Variants in MEAK7 observed in about 807,000 individuals in gnomAD.
The protein encoded by MEAK7 is MTOR associated protein MEAK7.
A neutral mutation model predicts 40.5 loss-of-function variants in MEAK7; 68 were observed. That is an observed-to-expected ratio of 1.68 (90% CI 1.38 to 2.06). The LOEUF (loss-of-function observed/expected upper bound fraction) is 2.06, where lower values mean the gene tolerates loss of function less well. Among genes scored for constraint, MEAK7 ranks in the 30% most tolerant of loss-of-function variants. The pLI, the probability that MEAK7 is intolerant of heterozygous loss-of-function variation, is 0.00. For synonymous variants in MEAK7, 338 were observed against 231.9 expected, an observed-to-expected ratio of 1.46 and a Z score of -4.16; for missense variants, 918 against 580.5, an observed-to-expected ratio of 1.58 and a Z score of -5.98.
At chr16:84,485,804 C>A (rs1046619075) in intron 5 of MEAK7, among the ~76,000 whole-genome samples, 1 of 152,180 alleles carries the variant, frequency 6.6e-6, no homozygotes, top group African/African-American at 2.4e-5. Flanking sequence ...GCCTCAGCCT[C>A]CCACGTAGCT....
At chr16:84,485,824 G>A (rs1913002277) in intron 5 of MEAK7, among the ~76,000 whole-genome samples, 1 of 152,172 alleles carries the variant, frequency 6.6e-6, no homozygotes, top group Non-Finnish European at 1.5e-5. Flanking sequence ...TGGGATTACA[G>A]GCATGCGCCA....
intron 3 of MEAK7, among the ~76,000 whole-genome samples, chr16:84,490,692 G>T (rs1913519414): frequency 6.7e-6 from 1 of 148,832 alleles, no homozygotes; most frequent in Admixed American, 6.7e-5. Context: ...GTGTGTGTGT[G>T]TGTATTTAAA....
chr16:84,481,711 A>T (rs1912561589), intron 6 of MEAK7, among the ~76,000 whole-genome samples: 1 of 152,150 alleles, frequency 6.6e-6, no homozygotes, highest in African/African-American at 2.4e-5. Flanking sequence ...AGGCGGGTGG[A>T]TCACGAGGTC....
intron 1 of MEAK7, chr16:84,500,035 T>C (rs934072997): frequency 2.0e-5 from 3 of 152,234 alleles, no homozygotes; most frequent in Non-Finnish European, 4.4e-5. Flanking sequence ...AGACCCCGTC[T>C]CTAAAAAAAT....
chr16:84,487,227 G>C (rs1193187059), intron 4 of MEAK7, 168 bp from the exon 5 acceptor site: 4 of 539,446 alleles, frequency 7.4e-6, no homozygotes, highest in Middle Eastern at 4.5e-4. Context: ...AGGCACACTT[G>C]ATTTCAAAGA....
At chr16:84,501,869 G>C (rs1483624405) in intron 1 of MEAK7, among the ~76,000 whole-genome samples, 1 of 152,232 alleles carries the variant, frequency 6.6e-6, no homozygotes, top group East Asian at 1.9e-4. Context: ...AATGGCAATG[G>C]TGTGGTGGCT....
intron 1 of MEAK7, among the ~76,000 whole-genome samples, chr16:84,501,014 G>A (rs1025182095): frequency 1.4e-5 from 2 of 145,358 alleles, no homozygotes; most frequent in Non-Finnish European, 3.0e-5. Context: ...AGAATTGGTT[G>A]AACACGGACA....
intron 6 of MEAK7, 60 bp from the exon 7 acceptor site, chr16:84,480,768 A>G: frequency 6.6e-7 from 1 of 1,515,588 alleles, no homozygotes; most frequent in Non-Finnish European, 8.9e-7. Flanking sequence ...TGTGGACATC[A>G]AATACCACAA....
intron 1 of MEAK7, among the ~76,000 whole-genome samples, chr16:84,501,750 C>G (rs1041044247): frequency 1.3e-5 from 2 of 152,124 alleles, no homozygotes; most frequent in Non-Finnish European, 2.9e-5. Context: ...GCGCTGTCCA[C>G]AGCACTGCCA....
rs762611164 is a variant in MEAK7, at chr16:84,495,780, G to A, written c.287C>T (p.Ser96Phe). ...VSQEQFTASM[S>F]HLLKGNSEEK... ...CTCGGAGTTTCCTTTCAACAGGTGGGACATGGATGCTGTGAACTGCTCCTG... is the reference window on the plus strand; with the variant it reads ...CTCGGAGTTTCCTTTCAACAGGTGGAACATGGATGCTGTGAACTGCTCCTG... The change falls in exon 3 of 8, where the codon TCC becomes TTC. Residue 96 changes from serine to phenylalanine, a missense_variant. Physicochemically the swap from Ser to Phe is radical, Grantham distance 155. Coordinates refer to ENST00000343629, the MANE Select transcript of MEAK7 (RefSeq NM_020947.4). 3 of 1,613,964 alleles carry A rather than the reference G, an allele frequency of 1.9e-6. No homozygotes were observed. Among genetic ancestry groups the A allele is most frequent in the South Asian group, 2.2e-5 (2 of 91,086 alleles).
intron 4 of MEAK7, chr16:84,487,595 C>G (rs769248106): frequency 6.5e-6 from 1 of 154,950 alleles, no homozygotes; most frequent in Non-Finnish European, 1.4e-5. Context: ...CCCAGCCAGT[C>G]AAGGGGCTGG....
chr16:84,497,721 T>C, intron 2 of MEAK7: 1 of 1,397,538 alleles, frequency 7.2e-7, no homozygotes, highest in African/African-American at 1.4e-5. Context: ...ATGGCTATTT[T>C]CACACAGTAA....
chr16:84,484,857 G>A (rs151008450), intron 5 of MEAK7, among the ~76,000 whole-genome samples: 1 of 152,212 alleles, frequency 6.6e-6, no homozygotes, highest in African/African-American at 2.4e-5. Context: ...TACTGCAACA[G>A]AATGAACTCG....
chr16:84,498,245 C>T, intron 1 of MEAK7, 134 bp from the exon 2 acceptor site: 2 of 1,090,004 alleles, frequency 1.8e-6, no homozygotes, highest in Non-Finnish European at 1.3e-6. Context: ...ATCAGAGCTA[C>T]ATAATACTGG....
At chr16:84,489,463 T>C in intron 3 of MEAK7, 41 bp from the exon 4 acceptor site, 2 of 1,573,506 alleles carry the variant, frequency 1.3e-6, no homozygotes, top group Non-Finnish European at 1.7e-6. Flanking sequence ...AGTTCCACCA[T>C]ATCCTGAGAC....
intron 5 of MEAK7, among the ~76,000 whole-genome samples, chr16:84,485,767 T>C (rs919050961): frequency 2.6e-5 from 4 of 152,212 alleles, no homozygotes; most frequent in African/African-American, 7.2e-5. Flanking sequence ...ACTGCAACTC[T>C]GCTTCCGAGG....
intron 5 of MEAK7, among the ~76,000 whole-genome samples, chr16:84,484,332 G>C (rs951358215): frequency 3.3e-5 from 5 of 152,162 alleles, no homozygotes; most frequent in African/African-American, 1.2e-4. Flanking sequence ...CAATACCCAA[G>C]CGTGCGGCCA....
Position 84,503,817 on chromosome 16 carries a change from C to A in MEAK7, c.-26+784G>T, listed in dbSNP as rs145680059. On this transcript the variant is annotated intron_variant, in intron 1 of 7. Transcript: ENST00000343629. ...TGGCCCCCAAGGTTCCCACTAGTATCCTAGGAATGGCTTAGTCACCTCCTG... is the reference window on the plus strand; with the variant it reads ...TGGCCCCCAAGGTTCCCACTAGTATACTAGGAATGGCTTAGTCACCTCCTG... The A allele has an allele frequency of 2.5e-4, 135 of 539,488 alleles. 1 individual carries two copies. In the East Asian group the frequency reaches 0.015, roughly 61 times the overall value. 33.4% of individuals were successfully genotyped at this position (539,488 alleles called of 1,614,324 possible).
At chr16:84,490,792 C>T (rs1287556322) in intron 3 of MEAK7, among the ~76,000 whole-genome samples, 2 of 150,734 alleles carry the variant, frequency 1.3e-5, no homozygotes, top group African/African-American at 2.4e-5. Flanking sequence ...TTTTTTTCTC[C>T]ATTTGCTTCT....
Sources: allele counts gnomAD v4.1 joint callset (sites outside exome capture counted in the v4.1 genomes callset), GRCh38; gene constraint gnomAD v4.1.1; transcripts MANE v1.5; gene names NCBI Gene and HGNC (gene_info 2026-07-23, HGNC 2026-07-21).